The following TCF25 variants were observed in gnomAD, a reference collection of about 807,000 sequenced individuals.
The protein encoded by TCF25 is ribosome quality control complex subunit TCF25.
Under a neutral mutation model 83.1 loss-of-function variants are expected in TCF25, and 41 were observed. The observed-to-expected ratio is 0.49, with a 90% CI of 0.38 to 0.64. TCF25 has a LOEUF of 0.64. Ranked by LOEUF, TCF25 falls within the 30% of genes least tolerant of loss-of-function variation. The pLI, the probability that TCF25 is intolerant of heterozygous loss-of-function variation, is 0.00. For synonymous variants in TCF25, 458 were observed against 365.0 expected (o/e 1.25, Z -2.90); for missense variants, 979 against 914.5 (o/e 1.07, Z -0.91).
rs769004484 is a variant in TCF25, at chr16:89,883,407, T to G, written c.249T>G (p.Cys83Trp). 3 of 1,614,120 alleles carry G rather than the reference T, an allele frequency of 1.9e-6. No homozygotes were observed. The highest frequency in any genetic ancestry group is 2.2e-5 in the South Asian group (2 of 91,080). The change falls in exon 2 of 18, where the codon TGT becomes TGG. Residue 83 changes from cysteine (C) to tryptophan (W), a missense_variant. By Grantham distance (215) the Cys-to-Trp change is radical. Transcript: ENST00000263346. ...DPVVNGERSG[C>W]ALTDAVAPGN... ...TGGTGAACGGGGAGAGGTCTGGCTG[T>G]GCGCTCACAGACGCTGTGGCACCAG... is the stretch of plus-strand genomic sequence containing the variant.
chr16:89,908,877 G>A, intron 16 of TCF25: 2 of 1,241,576 alleles, frequency 1.6e-6, no homozygotes, highest in Admixed American at 2.5e-5. Flanking sequence ...TGAGGTCAGG[G>A]CTTTGGGGCT....
intron 13 of TCF25, 60 bp downstream of exon 13, chr16:89,904,265 A>G (rs1484089077): frequency 1.3e-6 from 2 of 1,529,714 alleles, no homozygotes; most frequent in African/African-American, 2.8e-5. Context: ...CCTGGGAGCC[A>G]TTTTCACTCA....
chr16:89,877,188 C>G (rs1404158401), intron 1 of TCF25, among the ~76,000 whole-genome samples: 1 of 151,916 alleles, frequency 6.6e-6, no homozygotes, highest in Non-Finnish European at 1.5e-5. Context: ...TCAGTTTTTG[C>G]TGTGTGTGGG....
chr16:89,885,712 A>C lies in TCF25; in HGVS notation c.430-136A>C, dbSNP rs570760358. On this transcript the variant is annotated intron_variant, in intron 3 of 17. Transcript: ENST00000263346. ...TTTTCTAAATGTGTGGATGGTACAT[A>C]GTGTTTGACTTATGCTGTCCTTTAG... is the stretch of plus-strand genomic sequence containing the variant. 14 of 716,312 alleles carry C rather than the reference A, an allele frequency of 2.0e-5. No individual in the cohort carries two copies. The East Asian group carries it at 3.7e-4, about 19-fold the overall frequency. The allele number at this position is 716,312 out of a possible 1,614,324, so 44.4% of individuals were successfully genotyped here. A position where few individuals can be genotyped will look rare whatever the true frequency, so the allele number is the denominator to read the frequency against.
In TCF25 at chr16:89,911,185, G is replaced by A. The variant is rs772866312; in HGVS notation, c.1978G>A (p.Asp660Asn). ...CATGATGGCCAACTTCCACCTCAAC[G>A]ACCTGGAGGCGCCGCACGAGGACGA... ...RDMMANFHLN[D>N]LEAPHEDDAE... Residue 660 changes from aspartate to asparagine, a missense_variant, in exon 18 of 18, where the codon GAC (aspartate) becomes AAC (asparagine). Physicochemically the swap from Asp to Asn is conservative, Grantham distance 23. Coordinates refer to ENST00000263346, the MANE Select transcript of TCF25 (RefSeq NM_014972.3). 1.2e-5 allele frequency: 20 copies of A among 1,612,278 alleles called. No homozygotes were observed. In the South Asian group the frequency reaches 1.8e-4, roughly 14 times the overall value.
chr16:89,891,645 G>A (rs1242110143), intron 5 of TCF25, among the ~76,000 whole-genome samples: 1 of 152,220 alleles, frequency 6.6e-6, no homozygotes, highest in Non-Finnish European at 1.5e-5. Context: ...GGGCAGCATG[G>A]AAAAGGCATG....
Position 89,873,606 on chromosome 16 carries a change from C to A in TCF25, c.-62C>A. ...CCGCGCGAAGAGTGCGCAGGCGCGC[C>A]GACAGCCGAGTTTTCTGCGCTTCCT... On this transcript the variant is annotated 5_prime_UTR_variant, in exon 1 of 18. Coordinates refer to ENST00000263346, the MANE Select transcript of TCF25 (RefSeq NM_014972.3). 1.4e-6 allele frequency: 2 copies of A among 1,412,522 alleles called. No homozygotes were observed. Among genetic ancestry groups the A allele is most frequent in the Non-Finnish European group, 1.8e-6 (2 of 1,083,232 alleles). The allele number at this position is 1,412,522 out of a possible 1,614,324, so 87.5% of individuals were successfully genotyped here.
At chr16:89,908,808 C>CCTTGCAG (rs2045294632) in intron 16 of TCF25, among the ~76,000 whole-genome samples, 1 of 123,444 alleles carries the variant, frequency 8.1e-6, no homozygotes, top group Non-Finnish European at 1.6e-5. Context: ...CCAGCTCCCA[C>CCTTGCAG]CTCGCAGCTC....
At chr16:89,885,370 G>A (rs552334717) in intron 3 of TCF25, among the ~76,000 whole-genome samples, 128 of 152,314 alleles carry the variant, frequency 8.4e-4, no homozygotes, top group African/African-American at 3.0e-3. Flanking sequence ...CCTGTGACCC[G>A]TGGGACACTT....
At chr16:89,905,814 G>A (rs1373674641) in intron 14 of TCF25, among the ~76,000 whole-genome samples, 4 of 152,254 alleles carry the variant, frequency 2.6e-5, no homozygotes, top group African/African-American at 4.8e-5. Flanking sequence ...CTCCAAGAGC[G>A]ATTTCCAGCA....
In TCF25 at chr16:89,883,481, G is replaced by C. The variant is rs913268166; in HGVS notation, c.323G>C (p.Gly108Ala). 6.2e-7 allele frequency: 1 copy of C among 1,612,606 alleles called. No homozygotes were observed. Among genetic ancestry groups the C allele is most frequent in the Non-Finnish European group, 8.5e-7 (1 of 1,179,510 alleles). Residue 108 changes from glycine (G) to alanine (A), a missense_variant, in exon 2 of 18, where the codon GGA (glycine) becomes GCA (alanine). Physicochemically the swap from Gly to Ala is moderately conservative, Grantham distance 60. Coordinates refer to ENST00000263346, the MANE Select transcript of TCF25 (RefSeq NM_014972.3). The part of the protein sequence containing the change: ...QRGNTESKTD[G>A]DDTETVPSEQ... ...GGAAACACAGAGAGCAAGACGGATG[G>C]AGATGACACCGAGACAGTGCCCTCA...
At chr16:89,899,730 A>T (rs956279115) in intron 11 of TCF25, among the ~76,000 whole-genome samples, 2 of 148,800 alleles carry the variant, frequency 1.3e-5, no homozygotes, top group African/African-American at 4.9e-5. Flanking sequence ...CTCCGTCTCA[A>T]AAAAAAAAAA....
chr16:89,883,564 AC>A lies in TCF25; in HGVS notation c.354+55del, dbSNP rs541117508. ...GCATCAGACGGGAGAGTTCCAAGGCACCCAGCCACGTGTATCCTGTGCTGTG... is the reference window on the plus strand; with the variant it reads ...GCATCAGACGGGAGAGTTCCAAGGCACCAGCCACGTGTATCCTGTGCTGTG... On this transcript the variant is annotated intron_variant, in intron 2 of 17. Transcript: ENST00000263346. 8.8e-4 allele frequency: 1,358 copies of A among 1,534,672 alleles called. 2 individuals carry two copies. The highest frequency in any genetic ancestry group is 6.7e-4 in the Non-Finnish European group (756 of 1,135,376).
At chr16:89,906,987 A>AGGG in intron 15 of TCF25, among the ~76,000 whole-genome samples, 1 of 152,106 alleles carries the variant, frequency 6.6e-6, no homozygotes, top group Non-Finnish European at 1.5e-5. Context: ...CTTCCCCACC[A>AGGG]CACACTCTGG....
In TCF25 at chr16:89,885,948, T is replaced by G; in HGVS notation, c.530T>G (p.Val177Gly). The G allele has an allele frequency of 6.5e-7, 1 of 1,528,834 alleles. No individual in the cohort carries two copies. The highest frequency in any genetic ancestry group is 8.8e-7 in the Non-Finnish European group (1 of 1,139,852). The allele number at this position is 1,528,834 out of a possible 1,614,324, so 94.7% of individuals were successfully genotyped here. ...GCTCCCCTGAGCTCCAGGAAGCACG[T>G]TCTCTACGTGGAGCACAGGTGTGGC... ...GPAPLSSRKH[V>G]LYVEHRHLNP... The change falls in exon 4 of 18, where the codon GTT becomes GGT. Residue 177 changes from valine (V) to glycine (G), a missense_variant. Coordinates refer to ENST00000263346, the MANE Select transcript of TCF25 (RefSeq NM_014972.3).
intron 4 of TCF25, among the ~76,000 whole-genome samples, chr16:89,886,481 G>A (rs2043027674): frequency 6.6e-6 from 1 of 151,322 alleles, no homozygotes; most frequent in Admixed American, 6.6e-5. Context: ...TTAGGAAATA[G>A]GCCGGGCCCG....
intron 5 of TCF25, chr16:89,889,108 G>C (rs970892690): frequency 2.8e-5 from 8 of 283,986 alleles, no homozygotes; most frequent in South Asian, 6.3e-5. Flanking sequence ...AAGAGCAGGG[G>C]GGGTGTCTGC....
chr16:89,881,258 A>G (rs1028191193), intron 1 of TCF25, among the ~76,000 whole-genome samples: 7 of 152,092 alleles, frequency 4.6e-5, no homozygotes, highest in African/African-American at 1.7e-4. Context: ...CCGAGTCTCA[A>G]TTCTGTTTCA....
intron 14 of TCF25, 56 bp downstream of exon 14, chr16:89,905,152 C>G: frequency 6.7e-7 from 1 of 1,493,350 alleles, no homozygotes; most frequent in Non-Finnish European, 8.9e-7. Flanking sequence ...GACCCTCATC[C>G]CAGACACGGG....
Sources: allele counts gnomAD v4.1 joint callset (sites outside exome capture counted in the v4.1 genomes callset), GRCh38; gene constraint gnomAD v4.1.1; transcripts MANE v1.5; gene names NCBI Gene and HGNC (gene_info 2026-07-23, HGNC 2026-07-21).